NUB1: variants seen among roughly 807,000 people sequenced by gnomAD.
The protein encoded by NUB1 is NEDD8 ultimate buster 1.
Under a neutral mutation model 77.1 loss-of-function variants are expected in NUB1, and 41 were observed. That is an observed-to-expected ratio of 0.53 (90% CI 0.41 to 0.69). The LOEUF (loss-of-function observed/expected upper bound fraction) is 0.69. NUB1 is among the 30% of genes least tolerant of loss of function. The pLI, the probability that NUB1 is intolerant of heterozygous loss-of-function variation, is 0.00. For synonymous variants in NUB1, 257 were observed against 281.0 expected, an observed-to-expected ratio of 0.91 and a Z score of 0.85; for missense variants, 643 against 743.8, an observed-to-expected ratio of 0.86 and a Z score of 1.58.
In NUB1 at chr7:151,377,040, AT is replaced by A; in HGVS notation, c.1670-5del. On this transcript the variant is annotated splice_polypyrimidine_tract_variant and splice_region_variant and intron_variant, in intron 14 of 14. Transcript: ENST00000568733. ...AATTCACTTACTCCTGCGGTATTTT[AT>A]TGTAGGAACCTCTAGTGCCTCAACA... 1 of 1,536,530 alleles carries A rather than the reference AT, an allele frequency of 6.5e-7. No homozygotes were observed. Among genetic ancestry groups the A allele is most frequent in the South Asian group, 1.2e-5 (1 of 80,130 alleles).
Position 151,345,329 on chromosome 7 carries a change from T to C in NUB1, c.-2-19T>C. The C allele has an allele frequency of 6.9e-7, 1 of 1,439,628 alleles. No homozygotes were observed. The highest frequency in any genetic ancestry group is 9.7e-7 in the Non-Finnish European group (1 of 1,026,430). The allele number at this position is 1,439,628 out of a possible 1,614,324, so 89.2% of individuals were successfully genotyped here. On this transcript the variant is annotated intron_variant, in intron 1 of 14. Coordinates refer to ENST00000568733, the MANE Select transcript of NUB1 (RefSeq NM_001243351.2). Reference sequence around the variant, plus strand: ...AAAATGCGATGTGGAGTTTTATTAATGTATTGTTTTGCTTTCAGGGATGGC... The same window carrying C: ...AAAATGCGATGTGGAGTTTTATTAACGTATTGTTTTGCTTTCAGGGATGGC...
intron 8 of NUB1, among the ~76,000 whole-genome samples, chr7:151,362,095 A>G (rs1797404691): frequency 1.3e-5 from 2 of 152,248 alleles, no homozygotes; most frequent in African/African-American, 4.8e-5. Flanking sequence ...TATCCTGGAC[A>G]AATCCTTGAA....
intron 7 of NUB1, among the ~76,000 whole-genome samples, chr7:151,358,927 T>TGG (rs1382715070): frequency 2.0e-5 from 3 of 149,266 alleles, no homozygotes; most frequent in Non-Finnish European, 4.5e-5. Context: ...TAGCCAGGCG[T>TGG]GGTGGTGGGC....
intron 1 of NUB1, among the ~76,000 whole-genome samples, chr7:151,342,142 T>A (rs1796242183): frequency 6.6e-6 from 1 of 152,180 alleles, no homozygotes; most frequent in South Asian, 2.1e-4. Flanking sequence ...AAGGAATAAA[T>A]ATGTCTATAA....
intron 11 of NUB1, among the ~76,000 whole-genome samples, chr7:151,369,793 A>G (rs766309549): frequency 2.7e-4 from 41 of 152,342 alleles, no homozygotes; most frequent in Non-Finnish European, 5.0e-4. Context: ...AGTCTCTAGA[A>G]TCTTCACATG....
At chr7:151,344,151 A>G (rs111328332) in intron 1 of NUB1, among the ~76,000 whole-genome samples, 5,053 of 115,256 alleles carry the variant, frequency 0.044, 370 homozygotes, top group African/African-American at 0.15. Flanking sequence ...ACTGCACTCT[A>G]GCCTGGGCGA....
intron 5 of NUB1, among the ~76,000 whole-genome samples, chr7:151,353,138 G>T (rs1436821971): frequency 1.3e-5 from 2 of 152,224 alleles, no homozygotes; most frequent in Admixed American, 1.3e-4. Context: ...TGGAATGTAA[G>T]GTGTGCTGAG....
intron 4 of NUB1, chr7:151,352,017 G>A (rs1796824626): frequency 2.2e-6 from 1 of 445,708 alleles, no homozygotes; most frequent in Non-Finnish European, 4.5e-6. Flanking sequence ...AATGGTGTTT[G>A]GAGCACCTCC....
intron 7 of NUB1, among the ~76,000 whole-genome samples, chr7:151,358,735 C>G (rs1406215134): frequency 2.0e-5 from 3 of 152,208 alleles, no homozygotes; most frequent in Non-Finnish European, 4.4e-5. Context: ...ATTGAAAAAT[C>G]TAATGAACTT....
chr7:151,376,565 C>T (rs562153507), intron 13 of NUB1, 69 bp from the exon 14 acceptor site: 45 of 1,437,944 alleles, frequency 3.1e-5, no homozygotes, highest in African/African-American at 2.7e-4. Flanking sequence ...GCTGTCCACT[C>T]GTATGGCTGA....
Position 151,358,549 on chromosome 7 carries a change from A to G in NUB1, c.694-1592A>G, listed in dbSNP as rs542864397. On this transcript the variant is annotated intron_variant, in intron 7 of 14. Transcript: ENST00000568733. ...TGTGAACTGGGCATGTGAGGGATCT[A>G]GGCTGTGCACTCCTGATGAGAATCT... is the stretch of plus-strand genomic sequence containing the variant. 2.0e-5 allele frequency among the ~76,000 whole-genome samples: 3 copies of G among 152,284 alleles called. No homozygotes were observed. In the East Asian group the frequency reaches 5.8e-4, roughly 29 times the overall value.
rs966693258 is a variant in NUB1, at chr7:151,356,203, T to C, written c.674T>C (p.Ile225Thr). 3 of 1,612,588 alleles carry C rather than the reference T, an allele frequency of 1.9e-6. No individual in the cohort carries two copies. The highest frequency in any genetic ancestry group is 1.1e-5 in the South Asian group (1 of 91,010). The change falls in exon 7 of 15, where the codon ATT (isoleucine) becomes ACT (threonine). Residue 225 changes from isoleucine (I) to threonine (T), a missense_variant. Transcript: ENST00000568733. ...IANQTGRSIR[I>T]PPSERKALML... ...AACCAGACAGGCAGATCAATCAGAA[T>C]TCCCCCATCAGAAAGAAAAGTAAGT...
At chr7:151,351,744 A>G (rs1796804821) in intron 4 of NUB1, among the ~76,000 whole-genome samples, 3 of 152,172 alleles carry the variant, frequency 2.0e-5, no homozygotes, top group Admixed American at 6.5e-5. Context: ...ATCATATGGT[A>G]GGCACTTGGT....
intron 1 of NUB1, among the ~76,000 whole-genome samples, chr7:151,343,086 T>G (rs948617422): frequency 2.0e-5 from 3 of 152,266 alleles, no homozygotes; most frequent in Admixed American, 2.0e-4. Flanking sequence ...TGTGATATTT[T>G]ATTCAGAATT....
At chr7:151,373,207 T>C (rs12670537) in intron 11 of NUB1, among the ~76,000 whole-genome samples, 68,021 of 152,058 alleles carry the variant, frequency 0.45, 16,303 homozygotes, top group Non-Finnish European at 0.55. Flanking sequence ...CTGGTCTCCC[T>C]GGGAGAATGT....
At chr7:151,359,723 C>T (rs991847031) in intron 7 of NUB1, among the ~76,000 whole-genome samples, 13 of 150,722 alleles carry the variant, frequency 8.6e-5, no homozygotes, top group African/African-American at 2.4e-4. Flanking sequence ...GTTGCAGTGA[C>T]CCGAGATCGC....
intron 8 of NUB1, 66 bp from the exon 9 acceptor site, chr7:151,366,873 G>A (rs867921207): frequency 3.8e-6 from 5 of 1,304,022 alleles, no homozygotes; most frequent in Middle Eastern, 2.2e-4. Flanking sequence ...TTCACAAAAA[G>A]GTTTCAAATG....
intron 1 of NUB1, 144 bp downstream of exon 1, chr7:151,341,990 G>A (rs1384315708): frequency 8.0e-7 from 1 of 1,249,652 alleles, no homozygotes; most frequent in Admixed American, 4.3e-5. Context: ...GTGGAGCTGG[G>A]CCGGGGCCGG....
intron 1 of NUB1, 120 bp downstream of exon 1, chr7:151,341,966 G>C (rs931721159): frequency 5.3e-6 from 7 of 1,331,374 alleles, no homozygotes; most frequent in Non-Finnish European, 6.7e-6. Flanking sequence ...CGGGGCGGGG[G>C]TGAGCAGCCA....
Sources: gnomAD v4.1 joint callset for allele counts (sites outside exome capture counted in the v4.1 genomes callset) on GRCh38, gnomAD v4.1.1 for gene constraint, MANE v1.5 for transcripts, NCBI Gene and HGNC (gene_info 2026-07-23, HGNC 2026-07-21) for gene names.